The following AGBL4 variants were observed in gnomAD, a reference collection of about 807,000 sequenced individuals.
The protein encoded by AGBL4 is AGBL carboxypeptidase 4, also known as cytosolic carboxypeptidase 6.
In AGBL4, 58 loss-of-function variants were observed where a neutral mutation model predicts 66.4. That is an observed-to-expected ratio of 0.87 (90% confidence interval 0.71 to 1.09). The LOEUF is 1.09. AGBL4 is among the 50% of genes least tolerant of loss of function. AGBL4 has a pLI of 0.00. For missense variants in AGBL4, 579 were observed against 631.0 expected (o/e 0.92, Z 0.88); for synonymous variants, 234 against 222.9 (o/e 1.05, Z -0.44).
chr1:49,943,732 A>G (rs1654974156), intron 1 of AGBL4, among the ~76,000 whole-genome samples: 1 of 151,944 alleles, frequency 6.6e-6, no homozygotes. Flanking sequence ...AAAAAAAAAA[A>G]AAACCTCCAG....
chr1:49,897,970 G>C (rs1220173446), intron 1 of AGBL4, among the ~76,000 whole-genome samples: 1 of 151,930 alleles, frequency 6.6e-6, no homozygotes, highest in African/African-American at 2.4e-5. Context: ...AATCAAAATG[G>C]ATTAAACACT....
intron 5 of AGBL4, among the ~76,000 whole-genome samples, chr1:48,954,783 A>G (rs1027916029): frequency 6.6e-6 from 1 of 152,020 alleles, no homozygotes; most frequent in Non-Finnish European, 1.5e-5. Context: ...CCCTTCTCTA[A>G]TCACGTTATT....
chr1:49,539,412 G>C (rs1651839111), intron 3 of AGBL4, among the ~76,000 whole-genome samples: 1 of 152,106 alleles, frequency 6.6e-6, no homozygotes, highest in Non-Finnish European at 1.5e-5. Flanking sequence ...TGCAAGTTTT[G>C]TTTCCAGTAG....
chr1:49,025,027 C>T (rs1025662908), intron 5 of AGBL4, among the ~76,000 whole-genome samples: 9 of 152,088 alleles, frequency 5.9e-5, no homozygotes, highest in African/African-American at 1.2e-4. Context: ...AAAAGAGGCA[C>T]GAAGAGTTTG....
intron 2 of AGBL4, among the ~76,000 whole-genome samples, chr1:49,783,736 T>A (rs1644388646): frequency 6.6e-6 from 1 of 152,184 alleles, no homozygotes; most frequent in East Asian, 1.9e-4. Flanking sequence ...AATAACATGA[T>A]ACTATATATA....
chr1:49,098,334 T>A lies in AGBL4; in HGVS notation c.378-52534A>T, dbSNP rs79776180. Among the ~76,000 whole-genome samples the A allele has an allele frequency of 1.9e-3, 290 of 152,320 alleles. 3 individuals are homozygous for A. The highest frequency in any genetic ancestry group is 6.7e-3 in the African/African-American group (280 of 41,578). ...TGCATATAGAGTGGAGGAGATGTAG[T>A]TATGTCCCAGCCCTTGCTGTCTGAT... On this transcript the variant is annotated intron_variant, in intron 4 of 13. Transcript: ENST00000371839.
At chr1:49,764,117 C>T (rs571277072) in intron 2 of AGBL4, among the ~76,000 whole-genome samples, 2 of 152,280 alleles carry the variant, frequency 1.3e-5, no homozygotes, top group African/African-American at 4.8e-5. Flanking sequence ...GCACAGCAGC[C>T]CCACACCTAC....
intron 4 of AGBL4, among the ~76,000 whole-genome samples, chr1:49,085,675 A>G (rs1394413777): frequency 6.6e-6 from 1 of 151,988 alleles, no homozygotes; most frequent in African/African-American, 2.4e-5. Flanking sequence ...TCTGGTTACC[A>G]GACTGTCTGG....
chr1:49,400,309 G>A (rs1645057832), intron 3 of AGBL4, among the ~76,000 whole-genome samples: 1 of 152,146 alleles, frequency 6.6e-6, no homozygotes, highest in Non-Finnish European at 1.5e-5. Flanking sequence ...CTGAAGTCAG[G>A]TAATGTGATT....
intron 3 of AGBL4, among the ~76,000 whole-genome samples, chr1:49,349,938 G>A (rs1459681427): frequency 6.6e-6 from 1 of 151,586 alleles, no homozygotes; most frequent in African/African-American, 2.4e-5. Flanking sequence ...AAGCCAGGGA[G>A]GAGGCCTCAG....
intron 3 of AGBL4, among the ~76,000 whole-genome samples, chr1:49,651,055 A>G (rs1645994317): frequency 6.6e-6 from 1 of 152,200 alleles, no homozygotes; most frequent in Non-Finnish European, 1.5e-5. Flanking sequence ...GACAAGCCAC[A>G]GAATTGTCTG....
chr1:49,940,504 T>C (rs1353714895), intron 1 of AGBL4, among the ~76,000 whole-genome samples: 4 of 152,132 alleles, frequency 2.6e-5, no homozygotes, highest in Non-Finnish European at 5.9e-5. Context: ...ATATACACCA[T>C]GGAATACTAT....
chr1:48,983,707 C>G (rs1463057929), intron 5 of AGBL4, among the ~76,000 whole-genome samples: 1 of 152,182 alleles, frequency 6.6e-6, no homozygotes, highest in Non-Finnish European at 1.5e-5. Flanking sequence ...CAGCCACTTA[C>G]TAGCTGTGAG....
intron 3 of AGBL4, among the ~76,000 whole-genome samples, chr1:49,334,232 A>T (rs150087601): frequency 6.6e-6 from 1 of 152,348 alleles, no homozygotes; most frequent in Non-Finnish European, 1.5e-5. Context: ...AAGCATAACA[A>T]AGTGAAAGGG....
intron 5 of AGBL4, among the ~76,000 whole-genome samples, chr1:49,010,095 C>G (rs1418157009): frequency 9.9e-5 from 15 of 152,150 alleles, no homozygotes; most frequent in African/African-American, 2.4e-4. Context: ...AATTGTCCCT[C>G]TTTGCAGACG....
intron 2 of AGBL4, among the ~76,000 whole-genome samples, chr1:49,803,636 A>G (rs1644912613): frequency 6.6e-6 from 1 of 152,130 alleles, no homozygotes; most frequent in Middle Eastern, 3.2e-3. Flanking sequence ...CTCATATCCA[A>G]ACTGGAGGTA....
intron 3 of AGBL4, among the ~76,000 whole-genome samples, chr1:49,342,300 G>C (rs778118652): frequency 3.3e-4 from 50 of 152,150 alleles, no homozygotes; most frequent in Non-Finnish European, 5.0e-4. Context: ...CAAATCTGGT[G>C]TACTTTGTGT....
intron 2 of AGBL4, among the ~76,000 whole-genome samples, chr1:49,747,220 C>T (rs1651055872): frequency 2.0e-5 from 3 of 152,098 alleles, no homozygotes; most frequent in Admixed American, 2.0e-4. Flanking sequence ...TCCACAAACT[C>T]CTCTAAATAA....
At chr1:49,776,301 C>T (rs1486221192) in intron 2 of AGBL4, among the ~76,000 whole-genome samples, 1 of 152,100 alleles carries the variant, frequency 6.6e-6, no homozygotes, top group African/African-American at 2.4e-5. Flanking sequence ...TAACTAGTTC[C>T]TCCAATTCTA....
Sources: allele counts gnomAD v4.1 joint callset (sites outside exome capture counted in the v4.1 genomes callset), GRCh38; gene constraint gnomAD v4.1.1; transcripts MANE v1.5; gene names NCBI Gene and HGNC (gene_info 2026-07-23, HGNC 2026-07-21).